Variants in ZFAND4 observed in about 807,000 individuals in gnomAD.
ZFAND4 encodes zinc finger AN1-type containing 4, also known as AN1-type zinc finger protein 4.
Under a neutral mutation model 64.4 loss-of-function variants are expected in ZFAND4, and 43 were observed. The ratio of observed to expected loss-of-function variants is 0.67; its 90% CI spans 0.52 to 0.86. The LOEUF is 0.86. Ranked by LOEUF, ZFAND4 falls within the 40% of genes least tolerant of loss-of-function variation. The pLI is 0.00. For missense variants in ZFAND4, 929 were observed against 859.8 expected (o/e 1.08, Z -1.01); for synonymous variants, 296 against 305.7 (o/e 0.97, Z 0.33).
chr10:45,627,147 C>A (rs377283566), intron 6 of ZFAND4, 42 bp from the exon 7 acceptor site: 1 of 1,475,674 alleles, frequency 6.8e-7, no homozygotes, highest in Non-Finnish European at 9.0e-7. Context: ...CAGTCGTTTT[C>A]TCTGCCCATT....
intron 6 of ZFAND4, among the ~76,000 whole-genome samples, chr10:45,635,550 C>G (rs1241546217): frequency 6.6e-6 from 1 of 152,062 alleles, no homozygotes; most frequent in African/African-American, 2.4e-5. Flanking sequence ...ACTCTAAGAT[C>G]TGAAACTATG....
chr10:45,666,782 T>C (rs185454894), intron 1 of ZFAND4, among the ~76,000 whole-genome samples: 3 of 152,338 alleles, frequency 2.0e-5, no homozygotes, highest in Non-Finnish European at 2.9e-5. Flanking sequence ...TCATTCCCAA[T>C]TGAATTGTCT....
At chr10:45,620,833 C>T (rs2045365384) in intron 8 of ZFAND4, 3 of 152,196 alleles carry the variant, frequency 2.0e-5, no homozygotes, top group Non-Finnish European at 4.4e-5. Flanking sequence ...AAAGTAAACT[C>T]TACCTTGTCA....
chr10:45,638,866 TTATA>T (rs2046801891), intron 6 of ZFAND4, among the ~76,000 whole-genome samples: 1 of 152,212 alleles, frequency 6.6e-6, no homozygotes, highest in African/African-American at 2.4e-5. Flanking sequence ...ATGATTCCAT[TTATA>T]TAAATTTCAG....
intron 2 of ZFAND4, among the ~76,000 whole-genome samples, chr10:45,657,974 A>C (rs974691786): frequency 2.6e-5 from 4 of 152,206 alleles, no homozygotes; most frequent in African/African-American, 9.6e-5. Flanking sequence ...GAATTCTGAT[A>C]GGTGATGGAA....
At position 45,625,962 on chromosome 10, in the gene ZFAND4, C is replaced by T. The variant is rs761867636; in HGVS notation, c.1861G>A (p.Gly621Arg). The T allele has an allele frequency of 1.5e-5, 24 of 1,613,436 alleles. No individual in the cohort carries two copies. The highest frequency in any genetic ancestry group is 2.0e-5 in the Non-Finnish European group (24 of 1,179,894). Reference protein sequence around the residue: ...RKSSPQLEHTGVFLSTHGVGM... With the variant: ...RKSSPQLEHTRVFLSTHGVGM... ...AGGAAAATACTGACCAAAAAAACTC[C>T]TGTATGTTCTAACTGGGGAGAACTT... is the stretch of plus-strand genomic sequence containing the variant. Residue 621 changes from glycine to arginine, a missense_variant, in exon 7 of 10, where the codon GGA becomes AGA. Transcript: ENST00000344646.
chr10:45,666,232 T>C (rs1046225997), intron 1 of ZFAND4, among the ~76,000 whole-genome samples: 2 of 152,234 alleles, frequency 1.3e-5, no homozygotes, highest in Non-Finnish European at 2.9e-5. Context: ...TTCTGTCCTT[T>C]TGATTAAAGC....
At chr10:45,635,760 G>A (rs540931771) in intron 6 of ZFAND4, among the ~76,000 whole-genome samples, 174 of 152,250 alleles carry the variant, frequency 1.1e-3, no homozygotes, top group Middle Eastern at 3.4e-3. Context: ...ATTCTGACAC[G>A]TTATGACAAT....
Position 45,639,870 on chromosome 10 carries a change from C to T in ZFAND4, c.663G>A (p.Met221Ile). 6.2e-7 allele frequency: 1 copy of T among 1,613,300 alleles called. No homozygotes were observed. ...TAGCCTTCAGCAGCTTCATCTTATT[C>T]ATAGTTATTGAATTTTCAATTATCT... is the stretch of plus-strand genomic sequence containing the variant. ...GQQIIENSIT[M>I]NKMKLLKAKM... The change falls in exon 6 of 10, where the codon ATG becomes ATA. Residue 221 changes from methionine to isoleucine, a missense_variant. By Grantham distance (10) the Met-to-Ile change is conservative. Transcript: ENST00000344646.
chr10:45,667,910 G>A (rs933384632), intron 1 of ZFAND4, among the ~76,000 whole-genome samples: 6 of 152,148 alleles, frequency 3.9e-5, no homozygotes, highest in Non-Finnish European at 7.3e-5. Flanking sequence ...TAACCGTGGG[G>A]TTTTCATAGA....
At chr10:45,645,490 T>G (rs2047318962) in intron 5 of ZFAND4, among the ~76,000 whole-genome samples, 1 of 152,206 alleles carries the variant, frequency 6.6e-6, no homozygotes, top group African/African-American at 2.4e-5. Context: ...AGAACTGGCC[T>G]TAACTACTAT....
Position 45,616,356 on chromosome 10 carries a change from CA to C in ZFAND4, c.*79del. 7.1e-6 allele frequency: 11 copies of C among 1,540,090 alleles called. No individual in the cohort carries two copies. The South Asian group carries it at 1.4e-4, about 19-fold the overall frequency. Reference sequence around the variant, plus strand: ...ATTTGGCAAATCTTTTAGAGTCGAACAAAAATAATAGTCTAAACAACATTTC... The same window carrying C: ...ATTTGGCAAATCTTTTAGAGTCGAACAAAATAATAGTCTAAACAACATTTC... On this transcript the variant is annotated 3_prime_UTR_variant, in exon 10 of 10. Transcript: ENST00000344646.
intron 2 of ZFAND4, among the ~76,000 whole-genome samples, chr10:45,656,166 G>A (rs1317709259): frequency 6.6e-6 from 1 of 152,140 alleles, no homozygotes; most frequent in Non-Finnish European, 1.5e-5. Context: ...GGGAGGCGGA[G>A]GTTGCAGTGA....
intron 5 of ZFAND4, among the ~76,000 whole-genome samples, chr10:45,647,682 G>GA (rs1245649055): frequency 6.6e-6 from 1 of 152,080 alleles, no homozygotes; most frequent in East Asian, 1.9e-4. Flanking sequence ...CATGCTCCAT[G>GA]AAGGTAGGAA....
rs145238037 is a variant in ZFAND4, at chr10:45,620,531, T to C, written c.1928-2271A>G. On this transcript the variant is annotated intron_variant, in intron 8 of 9. Transcript: ENST00000344646. ...TGTGTAGAGACAGAGAATACATTAG[T>C]GACAGTAATGAGGTAGCACAAAAAT... Among the ~76,000 whole-genome samples the C allele has an allele frequency of 2.6e-3, 399 of 152,232 alleles. 3 individuals are homozygous for C. Among genetic ancestry groups the C allele is most frequent in the African/African-American group, 9.2e-3 (380 of 41,530 alleles).
At chr10:45,629,492 G>GA (rs2046063700) in intron 6 of ZFAND4, among the ~76,000 whole-genome samples, 1 of 152,126 alleles carries the variant, frequency 6.6e-6, no homozygotes, top group Non-Finnish European at 1.5e-5. Context: ...GCAGGAAAGG[G>GA]AAAATAAGGA....
At chr10:45,651,276 A>T (rs762728532) in intron 4 of ZFAND4, 10 of 204,638 alleles carry the variant, frequency 4.9e-5, no homozygotes, top group Non-Finnish European at 8.2e-5. Context: ...TCATCAATCA[A>T]GTCTCCACTA....
At position 45,627,024 on chromosome 10, in the gene ZFAND4, G is replaced by C. The variant is rs754293823; in HGVS notation, c.799C>G (p.Arg267Gly). The change falls in exon 7 of 10, where the codon CGA (arginine) becomes GGA (glycine). Residue 267 changes from arginine (R) to glycine (G), a missense_variant. Coordinates refer to ENST00000344646, the MANE Select transcript of ZFAND4 (RefSeq NM_174890.4). ...ATGTTGGGGAGGACCCTTAACAATC[G>C]GTGGCGAGATGGTGCAGTGGAACCA... The part of the protein sequence containing the change: ...SSGSTAPSRH[R>G]LLRVLPNIGQ... 1.2e-6 allele frequency: 2 copies of C among 1,607,310 alleles called. No individual in the cohort carries two copies. Among genetic ancestry groups the C allele is most frequent in the Non-Finnish European group, 1.7e-6 (2 of 1,175,842 alleles).
intron 4 of ZFAND4, among the ~76,000 whole-genome samples, chr10:45,649,509 A>C (rs749386925): frequency 1.2e-4 from 18 of 152,232 alleles, no homozygotes; most frequent in Non-Finnish European, 2.4e-4. Context: ...CAACCCTTTA[A>C]AAAGAAGTTG....
Sources: allele counts gnomAD v4.1 joint callset (sites outside exome capture counted in the v4.1 genomes callset), GRCh38; gene constraint gnomAD v4.1.1; transcripts MANE v1.5; gene names NCBI Gene and HGNC (gene_info 2026-07-23, HGNC 2026-07-21).